Variants in DIP2A observed in about 807,000 individuals in gnomAD.
DIP2A encodes disco-interacting protein 2 homolog A.
In DIP2A, 85 loss-of-function variants were observed where a neutral mutation model predicts 177.4. The ratio of observed to expected loss-of-function variants is 0.48; its 90% confidence interval spans 0.40 to 0.57. DIP2A has a LOEUF of 0.57. Among genes scored for constraint, DIP2A ranks in the 20% least tolerant of loss-of-function variants. The probability of loss-of-function intolerance (pLI) is 0.00; values close to 1 mark genes in which losing one functional copy is unlikely to be tolerated. For synonymous variants in DIP2A, 886 were observed against 881.8 expected (o/e 1.00, Z -0.08); for missense variants, 1,791 against 2,100.2 (o/e 0.85, Z 2.88).
Position 46,556,529 on chromosome 21 carries a change from A to G in DIP2A, c.3499-410A>G. The G allele has an allele frequency of 2.1e-6, 1 of 470,532 alleles. No homozygotes were observed. The highest frequency in any genetic ancestry group is 3.6e-6 in the Non-Finnish European group (1 of 276,560). The allele number at this position is 470,532 out of a possible 1,614,324, so 29.1% of individuals were successfully genotyped here. A position where few individuals can be genotyped will look rare whatever the true frequency, so the allele number is the denominator to read the frequency against. On this transcript the variant is annotated intron_variant, in intron 29 of 37. Coordinates refer to ENST00000417564, the MANE Select transcript of DIP2A (RefSeq NM_015151.4). The surrounding 1 kb of genome is among the most constrained non-coding windows in gnomAD (Gnocchi z 4.5). The stretch of plus-strand genomic sequence containing the variant: ...AAACCCCGTCTCTACTAAAAATACA[A>G]AAAATTAGCTGGGCATGGTGGCAGG...
chr21:46,558,350 G>C lies in DIP2A; in HGVS notation c.3926G>C (p.Ser1309Thr), dbSNP rs767733649. The change falls in exon 32 of 38, where the codon AGC (serine) becomes ACC (threonine). Residue 1309 changes from serine (S) to threonine (T), a missense_variant. Coordinates refer to ENST00000417564, the MANE Select transcript of DIP2A (RefSeq NM_015151.4). Reference sequence around the variant, plus strand: ...CTGGGCCTGCCGGCCCGCGCCGTAAGCACCACGTTCGGGTGCAGGGTCAAC... The same window carrying C: ...CTGGGCCTGCCGGCCCGCGCCGTAACCACCACGTTCGGGTGCAGGGTCAAC... ...KDLGLPARAV[S>T]TTFGCRVNVA... 9 of 1,606,302 alleles carry C rather than the reference G, an allele frequency of 5.6e-6. No individual in the cohort carries two copies. Among genetic ancestry groups the C allele is most frequent in the Non-Finnish European group, 7.6e-6 (9 of 1,177,318 alleles).
rs997692716 is a variant in DIP2A, at chr21:46,534,674, C to T, written c.1629C>T (p.Cys543=). 8 of 1,609,006 alleles carry T rather than the reference C, an allele frequency of 5.0e-6. No individual in the cohort carries two copies. The highest frequency in any genetic ancestry group is 2.2e-5 in the East Asian group (1 of 44,864). Reference sequence around the variant, plus strand: ...AGTGCCGGGCTCTGACCCAGGCGTGCGGGTACTCAGAAGGTAAGGGCTCTC... The same window carrying T: ...AGTGCCGGGCTCTGACCCAGGCGTGTGGGTACTCAGAAGGTAAGGGCTCTC... ...LAQCRALTQA[C]GYSEAETLTN... is the part of the protein sequence containing the mutation. The change falls in exon 13 of 38, where the codon TGC becomes TGT. Residue 543 remains cysteine, a synonymous_variant. Transcript: ENST00000417564.
At chr21:46,473,577 G>A (rs145106121) in intron 1 of DIP2A, among the ~76,000 whole-genome samples, 9,728 of 152,038 alleles carry the variant, frequency 0.064, 712 homozygotes, top group African/African-American at 0.18. Context: ...GTGCAGTGGC[G>A]CAATCCCAGC....
intron 18 of DIP2A, among the ~76,000 whole-genome samples, chr21:46,543,099 C>T (rs1323984328): frequency 1.3e-5 from 2 of 152,268 alleles, no homozygotes; most frequent in African/African-American, 4.8e-5. Flanking sequence ...TCATTTTTTT[C>T]CTGTAATTCT....
chr21:46,533,975 C>T, intron 11 of DIP2A, 29 bp from the exon 12 acceptor site: 1 of 1,585,596 alleles, frequency 6.3e-7, no homozygotes, highest in Non-Finnish European at 8.6e-7. Flanking sequence ...TGACTGCTTG[C>T]TGTTCTGTGT....
chr21:46,547,261 A>AGTTCCTTGGATTCCT, intron 21 of DIP2A: 1 of 1,291,482 alleles, frequency 7.7e-7, no homozygotes. Flanking sequence ...CCTTAAGAAA[A>AGTTCCTTGGATTCCT]TAAGGTTTTG....
the DIP2A span, among the ~76,000 whole-genome samples, chr21:46,582,087 C>A: frequency 6.6e-6 from 1 of 152,142 alleles, no homozygotes; most frequent in Non-Finnish European, 1.5e-5. Context: ...TGCCCATCCC[C>A]CTAAGGACTC....
In DIP2A at chr21:46,464,843, T is replaced by TC. The variant is rs1568894586; in HGVS notation, c.91+5621_91+5622insC. ...TTTTTTTTTTTTTTTTTTTTTTTTT[T>TC]TCAAGAAAACACACAACAAATGTCA... On this transcript the variant is annotated intron_variant, in intron 1 of 37. Transcript: ENST00000417564. Among the ~76,000 whole-genome samples, 143 of 42,988 alleles carry TC rather than the reference T, an allele frequency of 3.3e-3. 7 individuals are homozygous for TC. The highest frequency in any genetic ancestry group is 0.013 in the African/African-American group (136 of 10,242). 28.2% of individuals were successfully genotyped at this position (42,988 alleles called of 152,430 possible).
chr21:46,582,861 T>C, the DIP2A span, among the ~76,000 whole-genome samples: 1 of 152,196 alleles, frequency 6.6e-6, no homozygotes, highest in Non-Finnish European at 1.5e-5. Context: ...AAGATAATTA[T>C]ATAATGGTAA....
At chr21:46,580,048 G>A in the DIP2A span, among the ~76,000 whole-genome samples, 1 of 152,130 alleles carries the variant, frequency 6.6e-6, no homozygotes, top group Admixed American at 6.5e-5. Flanking sequence ...TGACAGTGGG[G>A]TGTTAAAGTC....
intron 8 of DIP2A, among the ~76,000 whole-genome samples, chr21:46,518,599 A>G (rs967724061): frequency 2.0e-5 from 3 of 152,134 alleles, no homozygotes; most frequent in South Asian, 2.1e-4. Context: ...GCTTACATCT[A>G]TACTCCCAGC....
At chr21:46,516,494 T>TC (rs1440852544) in intron 8 of DIP2A, among the ~76,000 whole-genome samples, 1 of 124,130 alleles carries the variant, frequency 8.1e-6, no homozygotes, top group Non-Finnish European at 1.8e-5. Context: ...ATTTCTTTTT[T>TC]TTTTTTTTTT....
At chr21:46,514,617 CTTTT>C (rs752628688) in intron 8 of DIP2A, among the ~76,000 whole-genome samples, 3 of 70,524 alleles carry the variant, frequency 4.3e-5, no homozygotes, top group East Asian at 5.1e-4. Flanking sequence ...AACTTTTATT[CTTTT>C]TTTTTTTTTT....
At chr21:46,501,150 G>GTCTTCAAT (rs1195642701) in intron 5 of DIP2A, among the ~76,000 whole-genome samples, 1 of 152,136 alleles carries the variant, frequency 6.6e-6, no homozygotes, top group African/African-American at 2.4e-5. Flanking sequence ...CACTAGATGT[G>GTCTTCAAT]TCTTCAATTT....
At chr21:46,540,937 C>T (rs1601753666) in intron 17 of DIP2A, among the ~76,000 whole-genome samples, 1 of 151,442 alleles carries the variant, frequency 6.6e-6, no homozygotes, top group Non-Finnish European at 1.5e-5. Context: ...ATCGCTTGAA[C>T]CCAGGAGGTG....
chr21:46,538,623 G>A (rs746648503), intron 16 of DIP2A, 21 bp downstream of exon 16: 4 of 1,545,406 alleles, frequency 2.6e-6, no homozygotes, highest in Admixed American at 3.9e-5. Flanking sequence ...CTGTGTGCCC[G>A]GCGCATACCC....
chr21:46,545,054 G>T (rs1437204698), intron 18 of DIP2A, 83 bp from the exon 19 acceptor site: 1 of 1,383,826 alleles, frequency 7.2e-7, no homozygotes, highest in Non-Finnish European at 9.7e-7. Flanking sequence ...TTCCATAACC[G>T]CACATACAGC....
At chr21:46,481,755 G>GA (rs1035056332) in intron 1 of DIP2A, among the ~76,000 whole-genome samples, 2 of 152,082 alleles carry the variant, frequency 1.3e-5, no homozygotes, top group African/African-American at 4.8e-5. Context: ...AAAACAATAG[G>GA]AAAAAATCAG....
chr21:46,509,215 A>T (rs372642285), intron 6 of DIP2A, 42 bp from the exon 7 acceptor site: 30 of 1,570,178 alleles, frequency 1.9e-5, no homozygotes, highest in African/African-American at 2.7e-5. Context: ...ACTTCTTCAG[A>T]TGTGTCCTGG....
Sources: allele counts gnomAD v4.1 joint callset (sites outside exome capture counted in the v4.1 genomes callset), GRCh38; gene constraint gnomAD v4.1.1; non-coding constraint Gnocchi (gnomAD v3.1); transcripts MANE v1.5; gene names NCBI Gene and HGNC (gene_info 2026-07-23, HGNC 2026-07-21).